Variants in SCN3B observed in about 807,000 individuals in gnomAD.
SCN3B encodes the protein sodium voltage-gated channel beta subunit 3, also known as sodium channel regulatory subunit beta-3.
Under a neutral mutation model 25.4 loss-of-function variants are expected in SCN3B, and 11 were observed. That is an observed-to-expected ratio of 0.43 (90% CI 0.27 to 0.72). SCN3B has a LOEUF of 0.72. Among genes scored for constraint, SCN3B ranks in the 30% least tolerant of loss-of-function variants. The pLI is 0.18. For synonymous variants in SCN3B, 109 were observed against 110.7 expected, an observed-to-expected ratio of 0.99 and a Z score of 0.09; for missense variants, 218 against 278.3, an observed-to-expected ratio of 0.78 and a Z score of 1.54.
At chr11:123,653,159 A>G (rs1206630926) in intron 2 of SCN3B, among the ~76,000 whole-genome samples, 1 of 152,080 alleles carries the variant, frequency 6.6e-6, no homozygotes, top group African/African-American at 2.4e-5. Context: ...ACCAAAAAAA[A>G]AAGAAGAAGA....
At chr11:123,633,808 T>C (rs919440218) in intron 6 of SCN3B, 32 bp from the exon 7 acceptor site, 4 of 356,830 alleles carry the variant, frequency 1.1e-5, no homozygotes, top group Non-Finnish European at 2.2e-5. Context: ...ACTGAGAATT[T>C]CCCACCCAGT....
In SCN3B at chr11:123,634,167, G is replaced by T; in HGVS notation, c.624C>A (p.Asn208Lys). The T allele has an allele frequency of 6.2e-7, 1 of 1,613,898 alleles. No homozygotes were observed. The change falls in exon 6 of 7, where the codon AAC becomes AAA. Residue 208 changes from asparagine to lysine, a missense_variant. By Grantham distance (94) the Asn-to-Lys change is moderately conservative. Coordinates refer to ENST00000299333, the MANE Select transcript of SCN3B (RefSeq NM_001040151.2). ...TCTATTCCTCCACTGGTACCGCAGA[G>T]TTCTCCTTGTTCTCAGATGGGATGG... The part of the protein sequence containing the change: ...YLAIPSENKE[N>K]SAVPVEE
At position 123,645,711 on chromosome 11, in the gene SCN3B, T is replaced by C. The variant is rs1955846739; in HGVS notation, c.95A>G (p.Glu32Gly). 6.2e-7 allele frequency: 1 copy of C among 1,614,070 alleles called. No homozygotes were observed. Among genetic ancestry groups the C allele is most frequent in the Non-Finnish European group, 8.5e-7 (1 of 1,180,022 alleles). ...GGGGTTGCCCTGCACGGCCTCCGTCTCCGAGGGCACTTCCACACACACAGG... is the reference window on the plus strand; with the variant it reads ...GGGGTTGCCCTGCACGGCCTCCGTCCCCGAGGGCACTTCCACACACACAGG... ...CFPVCVEVPS[E>G]TEAVQGNPMK... Residue 32 changes from glutamate to glycine, a missense_variant, in exon 3 of 7, where the codon GAG becomes GGG. Glu to Gly is a moderately conservative substitution (Grantham distance 98). Transcript: ENST00000299333.
chr11:123,638,380 C>A, intron 4 of SCN3B, 56 bp from the exon 5 acceptor site: 1 of 1,607,242 alleles, frequency 6.2e-7, no homozygotes, highest in South Asian at 1.1e-5. Flanking sequence ...CTAGAGCCGT[C>A]ATTGGAGCCA....
At chr11:123,643,762 A>C (rs1056675866) in intron 3 of SCN3B, among the ~76,000 whole-genome samples, 1 of 152,224 alleles carries the variant, frequency 6.6e-6, no homozygotes, top group East Asian at 1.9e-4. Context: ...TCACTGGTAC[A>C]TGACCAGGCC....
At chr11:123,647,627 G>A (rs950952967) in intron 2 of SCN3B, among the ~76,000 whole-genome samples, 1 of 152,086 alleles carries the variant, frequency 6.6e-6, no homozygotes, top group African/African-American at 2.4e-5. Flanking sequence ...TTAAAAACTA[G>A]TCCACTGTTA....
chr11:123,651,779 G>A (rs1465846252), intron 2 of SCN3B, among the ~76,000 whole-genome samples: 2 of 152,194 alleles, frequency 1.3e-5, no homozygotes, highest in African/African-American at 4.8e-5. Context: ...AACTGAGAAT[G>A]GGCAAAGATG....
intron 4 of SCN3B, chr11:123,639,883 G>T (rs943776038): frequency 1.3e-5 from 2 of 152,132 alleles, no homozygotes; most frequent in African/African-American, 4.8e-5. Flanking sequence ...CAACAAAAAG[G>T]ACCATTAAAA....
At chr11:123,651,320 A>G (rs1054307937) in intron 2 of SCN3B, among the ~76,000 whole-genome samples, 1 of 152,038 alleles carries the variant, frequency 6.6e-6, no homozygotes, top group African/African-American at 2.4e-5. Flanking sequence ...CAATATTGGA[A>G]TTGCATGCAA....
chr11:123,634,209 A>G lies in SCN3B; in HGVS notation c.585-3T>C, dbSNP rs1344789867. ...ATGGGATGGCAAGGTAGTCAGACCTATAGAGGACACAGGGAAAGGGAATCA... is the reference window on the plus strand; with the variant it reads ...ATGGGATGGCAAGGTAGTCAGACCTGTAGAGGACACAGGGAAAGGGAATCA... On this transcript the variant is annotated splice_region_variant and splice_polypyrimidine_tract_variant and intron_variant, in intron 5 of 6. Coordinates refer to ENST00000299333, the MANE Select transcript of SCN3B (RefSeq NM_001040151.2). 1 of 1,613,332 alleles carries G rather than the reference A, an allele frequency of 6.2e-7. No individual in the cohort carries two copies. Among genetic ancestry groups the G allele is most frequent in the South Asian group, 1.1e-5 (1 of 91,058 alleles).
chr11:123,650,873 T>C (rs1955916944), intron 2 of SCN3B, among the ~76,000 whole-genome samples: 1 of 152,142 alleles, frequency 6.6e-6, no homozygotes, highest in Admixed American at 6.5e-5. Flanking sequence ...AAGCAATGTA[T>C]TGAAAATTAC....
rs1380439360 is a variant in SCN3B, at chr11:123,645,763, C to G, written c.56-13G>C. ...AAGCAGACACTGACTGCAGAGAGGA[C>G]AGATGGACAGGGAAGGAACAGCAGG... On this transcript the variant is annotated splice_polypyrimidine_tract_variant and intron_variant, in intron 2 of 6. Transcript: ENST00000299333. 1 of 1,613,792 alleles carries G rather than the reference C, an allele frequency of 6.2e-7. No individual in the cohort carries two copies.
At chr11:123,637,289 A>C (rs75254384) in intron 5 of SCN3B, among the ~76,000 whole-genome samples, 1 of 152,090 alleles carries the variant, frequency 6.6e-6, no homozygotes, top group Non-Finnish European at 1.5e-5. Context: ...GGGAAATAAC[A>C]TGTTGCTTGG....
Position 123,642,816 on chromosome 11 carries a change from T to TGTGGGG in SCN3B, c.220-151_220-146dup. 4.2e-6 allele frequency: 3 copies of TGTGGGG among 716,518 alleles called. No individual in the cohort carries two copies. The highest frequency in any genetic ancestry group is 5.0e-6 in the Non-Finnish European group (2 of 401,804). The allele number at this position is 716,518 out of a possible 1,614,324, so 44.4% of individuals were successfully genotyped here. ...GACAATGCCACCGGGAGACCCAGAA[T>TGTGGGG]GTGGGGGTGGGATGAAGAGGCACAG... On this transcript the variant is annotated intron_variant, in intron 3 of 6. Coordinates refer to ENST00000299333, the MANE Select transcript of SCN3B (RefSeq NM_001040151.2). This position sits in a 1 kb window ranked among gnomAD's most constrained non-coding sequence, Gnocchi z 4.3.
At position 123,629,685 on chromosome 11, in the gene SCN3B, A is replaced by G. The variant is rs574361821; in HGVS notation, c.*4114T>C. ...AGCTTGACAGAGTGGGTGCAAAAAG[A>G]TGTTAGTAGAATGAGTGGATGATCA... On this transcript the variant is annotated 3_prime_UTR_variant, in exon 7 of 7. Transcript: ENST00000299333. 6.6e-6 allele frequency: 1 copy of G among 152,316 alleles called. No homozygotes were observed. Among genetic ancestry groups the G allele is most frequent in the African/African-American group, 2.4e-5 (1 of 41,558 alleles). 9.4% of individuals were successfully genotyped at this position (152,316 alleles called of 1,614,324 possible).
At chr11:123,645,479 G>T in intron 3 of SCN3B, 108 bp downstream of exon 3, 1 of 1,127,338 alleles carries the variant, frequency 8.9e-7, no homozygotes, top group Non-Finnish European at 1.4e-6. Flanking sequence ...GTGTTTGGAA[G>T]AGAAGGAGCC....
intron 2 of SCN3B, among the ~76,000 whole-genome samples, chr11:123,650,834 A>G (rs1955916321): frequency 6.6e-6 from 1 of 152,180 alleles, no homozygotes; most frequent in South Asian, 2.1e-4. Flanking sequence ...TCCCCTGACT[A>G]CCTCAGGGAT....
chr11:123,649,549 T>A (rs776414372), intron 2 of SCN3B, among the ~76,000 whole-genome samples: 18 of 152,254 alleles, frequency 1.2e-4, no homozygotes, highest in Non-Finnish European at 2.1e-4. Context: ...AGAGGTAATG[T>A]CTGTTTCTCC....
intron 4 of SCN3B, 130 bp from the exon 5 acceptor site, chr11:123,638,454 C>T (rs1334531556): frequency 7.8e-7 from 1 of 1,281,722 alleles, no homozygotes; most frequent in Non-Finnish European, 1.1e-6. Context: ...CAAAGGTATT[C>T]CAAATCCTGA....
Sources: gnomAD v4.1 joint callset for allele counts (sites outside exome capture counted in the v4.1 genomes callset) on GRCh38, gnomAD v4.1.1 for gene constraint, Gnocchi (gnomAD v3.1) non-coding constraint, MANE v1.5 for transcripts, NCBI Gene and HGNC (gene_info 2026-07-23, HGNC 2026-07-21) for gene names.